Variants in TMEM132D observed in about 807,000 individuals in gnomAD.
TMEM132D encodes the protein transmembrane protein 132D, also known as mature OL transmembrane protein.
Under a neutral mutation model 62.3 loss-of-function variants are expected in TMEM132D, and 21 were observed. The ratio of observed to expected loss-of-function variants is 0.34; its 90% confidence interval spans 0.24 to 0.49. The LOEUF (loss-of-function observed/expected upper bound fraction) is 0.49, where lower values mean the gene tolerates loss of function less well. TMEM132D is among the 20% of genes least tolerant of loss of function. TMEM132D has a pLI of 0.99. For missense variants in TMEM132D, 1,346 were observed against 1,402.8 expected, an observed-to-expected ratio of 0.96 and a Z score of 0.65; for synonymous variants, 621 against 575.6, an observed-to-expected ratio of 1.08 and a Z score of -1.13.
rs556408019 is a variant in TMEM132D at position 129,300,404 on chromosome 12, G to A, written c.1299+37230C>T. Among the ~76,000 whole-genome samples, 16 of 152,330 alleles carry A rather than the reference G, an allele frequency of 1.1e-4. No individual in the cohort carries two copies. The South Asian group carries it at 2.5e-3, about 24-fold the overall frequency. On this transcript the variant is annotated intron_variant, in intron 4 of 8. Transcript: ENST00000422113. ...AGGACTTGGGATGAAGAAATGTGAC[G>A]ATGAATATCACTGAGCACCCACCTA...
chr12:129,814,727 A>C (rs182351566), intron 1 of TMEM132D, among the ~76,000 whole-genome samples: 1 of 152,158 alleles, frequency 6.6e-6, no homozygotes, highest in African/African-American at 2.4e-5. Context: ...TGAGCTGTCA[A>C]CCGCTCTACT....
chr12:129,367,704 T>C (rs1423745357), intron 3 of TMEM132D, among the ~76,000 whole-genome samples: 3 of 152,008 alleles, frequency 2.0e-5, no homozygotes, highest in African/African-American at 7.2e-5. Context: ...CCAGCACTGA[T>C]GCCAGTCCCA....
intron 1 of TMEM132D, among the ~76,000 whole-genome samples, chr12:129,745,175 A>C (rs1465225132): frequency 6.6e-6 from 1 of 152,204 alleles, no homozygotes; most frequent in Non-Finnish European, 1.5e-5. Flanking sequence ...AAAATTACCC[A>C]GTCTTGGATA....
chr12:129,493,801 A>G (rs1874868564), intron 3 of TMEM132D, among the ~76,000 whole-genome samples: 1 of 152,220 alleles, frequency 6.6e-6, no homozygotes. Context: ...CCTTCAGAGC[A>G]TGAATTCTTC....
intron 3 of TMEM132D, among the ~76,000 whole-genome samples, chr12:129,402,148 T>C (rs556608784): frequency 1.0e-3 from 157 of 152,300 alleles, no homozygotes; most frequent in African/African-American, 3.4e-3. Context: ...ACCTCGATAA[T>C]CTGCTGTCGG....
intron 3 of TMEM132D, among the ~76,000 whole-genome samples, chr12:129,473,953 A>G (rs1424094473): frequency 6.6e-6 from 1 of 152,232 alleles, no homozygotes; most frequent in African/African-American, 2.4e-5. Context: ...TATAACCAAC[A>G]AACCAGGCAT....
At chr12:129,146,082 T>G (rs989160641) in intron 5 of TMEM132D, among the ~76,000 whole-genome samples, 15 of 152,310 alleles carry the variant, frequency 9.8e-5, no homozygotes, top group African/African-American at 3.4e-4. Context: ...TGATCTTTTT[T>G]TTTTTTCTCT....
intron 5 of TMEM132D, among the ~76,000 whole-genome samples, chr12:129,136,883 A>T (rs981747193): frequency 2.6e-5 from 4 of 150,974 alleles, no homozygotes; most frequent in African/African-American, 7.3e-5. Context: ...CATTACTATC[A>T]TCATCACCAC....
intron 4 of TMEM132D, among the ~76,000 whole-genome samples, chr12:129,212,965 C>CAGGAAGTAGTTTG (rs1387297352): frequency 2.0e-5 from 3 of 152,182 alleles, no homozygotes; most frequent in African/African-American, 7.2e-5. Context: ...TAGTTTGAGC[C>CAGGAAGTAGTTTG]AGCCTGGAAG....
chr12:129,393,999 T>G (rs1464756672), intron 3 of TMEM132D, among the ~76,000 whole-genome samples: 1 of 152,152 alleles, frequency 6.6e-6, no homozygotes, highest in Non-Finnish European at 1.5e-5. Flanking sequence ...CATTTTAAAA[T>G]TAATATTTAA....
In TMEM132D at chr12:129,557,385, T is replaced by A. The variant is rs114835807; in HGVS notation, c.969-26180A>T. Among the ~76,000 whole-genome samples, 1,298 of 152,214 alleles carry A rather than the reference T, an allele frequency of 8.5e-3. 17 individuals are homozygous for A. Among genetic ancestry groups the A allele is most frequent in the African/African-American group, 0.028 (1,159 of 41,518 alleles). ...AATGAGAGAAATGAGGAGACGTGTT[T>A]AAGGGGTGAAGAGGTACAAACTTTC... On this transcript the variant is annotated intron_variant, in intron 2 of 8. Coordinates refer to ENST00000422113, the MANE Select transcript of TMEM132D (RefSeq NM_133448.3).
At chr12:129,241,049 T>C (rs1879923592) in intron 4 of TMEM132D, among the ~76,000 whole-genome samples, 1 of 150,990 alleles carries the variant, frequency 6.6e-6, no homozygotes, top group South Asian at 2.1e-4. Flanking sequence ...GTGATATAAA[T>C]AGTTTACTAA....
At chr12:129,786,313 C>A (rs1871245983) in intron 1 of TMEM132D, among the ~76,000 whole-genome samples, 1 of 152,114 alleles carries the variant, frequency 6.6e-6, no homozygotes, top group Non-Finnish European at 1.5e-5. Flanking sequence ...CAACGAGACC[C>A]TGTACTGTGG....
chr12:129,575,222 A>C (rs155687), intron 2 of TMEM132D, among the ~76,000 whole-genome samples: 1 of 151,324 alleles, frequency 6.6e-6, no homozygotes, highest in Non-Finnish European at 1.5e-5. Context: ...TATAACATAC[A>C]AAATATGTTA....
chr12:129,363,861 T>C (rs1338297271), intron 3 of TMEM132D, among the ~76,000 whole-genome samples: 1 of 152,230 alleles, frequency 6.6e-6, no homozygotes, highest in Non-Finnish European at 1.5e-5. Context: ...CTTTTTCGTT[T>C]TGGGTATGGT....
rs192518381 is a variant in TMEM132D at position 129,445,006 on chromosome 12, T to C, written c.1115+86053A>G. On this transcript the variant is annotated intron_variant, in intron 3 of 8. Transcript: ENST00000422113. ...TATATACACAGATAAATGTAAATTG[T>C]TCTATTATAATGACTCATGCACATG... 1.1e-4 allele frequency among the ~76,000 whole-genome samples: 16 copies of C among 152,360 alleles called. No homozygotes were observed. The East Asian group carries it at 2.9e-3, about 28-fold the overall frequency.
intron 4 of TMEM132D, among the ~76,000 whole-genome samples, chr12:129,268,696 C>G (rs1169365634): frequency 6.6e-6 from 1 of 152,102 alleles, no homozygotes; most frequent in Non-Finnish European, 1.5e-5. Flanking sequence ...ATAAACCATG[C>G]CTCTATAAAG....
At chr12:129,803,747 A>G (rs901567792) in intron 1 of TMEM132D, among the ~76,000 whole-genome samples, 1 of 152,080 alleles carries the variant, frequency 6.6e-6, no homozygotes, top group African/African-American at 2.4e-5. Flanking sequence ...TAATGAATCA[A>G]GGAGCTGGTT....
intron 2 of TMEM132D, among the ~76,000 whole-genome samples, chr12:129,537,505 A>C (rs567945875): frequency 6.6e-6 from 1 of 152,286 alleles, no homozygotes; most frequent in African/African-American, 2.4e-5. Context: ...CAATATTCAC[A>C]TGGGGCTTAA....
Sources: gnomAD v4.1 joint callset for allele counts (sites outside exome capture counted in the v4.1 genomes callset) on GRCh38, gnomAD v4.1.1 for gene constraint, MANE v1.5 for transcripts, NCBI Gene and HGNC (gene_info 2026-07-23, HGNC 2026-07-21) for gene names.